PTPRG: variants seen among roughly 807,000 people sequenced by gnomAD.
PTPRG encodes protein tyrosine phosphatase receptor type G, also known as receptor-type tyrosine-protein phosphatase gamma.
Under a neutral mutation model 165.3 loss-of-function variants are expected in PTPRG, and 102 were observed. That is an observed-to-expected ratio of 0.62 (90% confidence interval 0.53 to 0.73). The LOEUF (loss-of-function observed/expected upper bound fraction) is 0.73, where lower values mean the gene tolerates loss of function less well. Among genes scored for constraint, PTPRG ranks in the 30% least tolerant of loss-of-function variants. PTPRG has a pLI of 0.00. For synonymous variants in PTPRG, 675 were observed against 669.5 expected (o/e 1.01, Z -0.13); for missense variants, 1,866 against 1,861.4 (o/e 1.00, Z -0.05).
chr3:61,872,207 C>A (rs1440160336), intron 2 of PTPRG, among the ~76,000 whole-genome samples: 1 of 152,152 alleles, frequency 6.6e-6, no homozygotes, highest in African/African-American at 2.4e-5. Flanking sequence ...GTTTGAAAGA[C>A]AATAAGAATG....
intron 5 of PTPRG, among the ~76,000 whole-genome samples, chr3:62,092,291 T>G (rs1411395094): frequency 6.6e-6 from 1 of 151,112 alleles, no homozygotes; most frequent in Non-Finnish European, 1.5e-5. Flanking sequence ...AATACAAAAT[T>G]TAGCTGGCCG....
chr3:62,080,079 T>C (rs1279082374), intron 5 of PTPRG, among the ~76,000 whole-genome samples: 2 of 150,478 alleles, frequency 1.3e-5, no homozygotes, highest in Non-Finnish European at 3.0e-5. Context: ...TTTTTTTTTT[T>C]TTTGAGATGG....
intron 1 of PTPRG, among the ~76,000 whole-genome samples, chr3:61,718,213 C>CAAAAA (rs376955925): frequency 8.8e-5 from 9 of 102,434 alleles, no homozygotes; most frequent in Non-Finnish European, 1.9e-4. Flanking sequence ...AAACAAAAAC[C>CAAAAA]AAAAAAAAAA....
In PTPRG at chr3:61,996,222, G is replaced by A. The variant is rs577493028; in HGVS notation, c.370+6418G>A. On this transcript the variant is annotated intron_variant, in intron 3 of 29. Coordinates refer to ENST00000474889, the MANE Select transcript of PTPRG (RefSeq NM_002841.4). The stretch of plus-strand genomic sequence containing the variant: ...TCTCTTATCCCTGATAATATTGGAT[G>A]GGGAGGGCCTGGAAAAGTGAAATAC... 2.0e-5 allele frequency among the ~76,000 whole-genome samples: 3 copies of A among 152,276 alleles called. No homozygotes were observed. The South Asian group carries it at 6.2e-4, about 32-fold the overall frequency.
At chr3:62,132,579 A>G in intron 5 of PTPRG, 23 bp from the exon 6 acceptor site, 2 of 1,565,028 alleles carry the variant, frequency 1.3e-6, no homozygotes, top group Non-Finnish European at 1.8e-6. Context: ...AGATTTAACC[A>G]ATCATGTTTC....
intron 1 of PTPRG, among the ~76,000 whole-genome samples, chr3:61,603,603 TAAA>T (rs916388135): frequency 1.3e-5 from 2 of 152,160 alleles, no homozygotes; most frequent in Admixed American, 1.3e-4. Flanking sequence ...ACTGGTGAGT[TAAA>T]AAAGAAGGAA....
intron 6 of PTPRG, among the ~76,000 whole-genome samples, chr3:62,133,616 G>A (rs1270441544): frequency 6.6e-6 from 1 of 152,200 alleles, no homozygotes; most frequent in African/African-American, 2.4e-5. Flanking sequence ...CAGTCATGCA[G>A]CAGGTAACAA....
intron 6 of PTPRG, among the ~76,000 whole-genome samples, chr3:62,140,717 T>C (rs1164279790): frequency 6.6e-6 from 1 of 151,902 alleles, no homozygotes; most frequent in African/African-American, 2.4e-5. Context: ...CATGGTGTTA[T>C]GCGCCTGTAG....
Position 62,297,345 on chromosome 3 carries a change from A to T in PTPRG, c.*4038A>T, listed in dbSNP as rs1703097111. ...TATTTCTTTGAGGCAGTGATTGTGA[A>T]AGTTGGGTTTTCTTTTTAATTCCAT... On this transcript the variant is annotated 3_prime_UTR_variant, in exon 30 of 30. Transcript: ENST00000474889. 1 of 151,938 alleles carries T rather than the reference A, an allele frequency of 6.6e-6. No individual in the cohort carries two copies. Among genetic ancestry groups the T allele is most frequent in the Admixed American group, 6.6e-5 (1 of 15,228 alleles). The allele number at this position is 151,938 out of a possible 1,614,324, so 9.4% of individuals were successfully genotyped here.
At chr3:61,949,199 C>A (rs1394559120) in intron 2 of PTPRG, among the ~76,000 whole-genome samples, 1 of 151,958 alleles carries the variant, frequency 6.6e-6, no homozygotes, top group East Asian at 1.9e-4. Context: ...AATCAACCAA[C>A]CAAACAAAAA....
chr3:61,935,246 T>A (rs188735244), intron 2 of PTPRG, among the ~76,000 whole-genome samples: 17 of 152,336 alleles, frequency 1.1e-4, no homozygotes, highest in Non-Finnish European at 2.1e-4. Flanking sequence ...TGCTCATTTA[T>A]TCTTTAAAAG....
chr3:61,584,626 T>A (rs1242496045), intron 1 of PTPRG, among the ~76,000 whole-genome samples: 1 of 152,148 alleles, frequency 6.6e-6, no homozygotes, highest in Non-Finnish European at 1.5e-5. Flanking sequence ...GCATTAATTT[T>A]TCATTGTACG....
At chr3:61,782,979 A>AT (rs908622593) in intron 2 of PTPRG, among the ~76,000 whole-genome samples, 6 of 151,806 alleles carry the variant, frequency 4.0e-5, no homozygotes, top group Non-Finnish European at 7.4e-5. Flanking sequence ...ATTAAAACAA[A>AT]TTTTTTTTAA....
Position 61,621,051 on chromosome 3 carries a change from A to ATATATATATATGTGTGTGTGTGTGTGTG in PTPRG, c.85+58680_85+58681insATATATATATGTGTGTGTGTGTGTGTGT. Among the ~76,000 whole-genome samples the ATATATATATATGTGTGTGTGTGTGTGTG allele has an allele frequency of 2.1e-3, 246 of 117,898 alleles. 2 individuals are homozygous for ATATATATATATGTGTGTGTGTGTGTGTG. Among genetic ancestry groups the ATATATATATATGTGTGTGTGTGTGTGTG allele is most frequent in the Admixed American group, 9.5e-3 (100 of 10,576 alleles). 77.3% of individuals were successfully genotyped at this position (117,898 alleles called of 152,430 possible). A position where few individuals can be genotyped will look rare whatever the true frequency, so the allele number is the denominator to read the frequency against. ...TGTGTGTGTATATATATATATATAT[A>ATATATATATATGTGTGTGTGTGTGTGTG]TGTGTGTGTGTGTGTGTGTGTGTGT... On this transcript the variant is annotated intron_variant, in intron 1 of 29. Coordinates refer to ENST00000474889, the MANE Select transcript of PTPRG (RefSeq NM_002841.4).
chr3:61,843,101 A>T lies in PTPRG; in HGVS notation c.190+94119A>T, dbSNP rs556257735. ...AAGAAGTTTTTTATCTCTCAGTTTC[A>T]TATTGATTCATTCTGCAAAGAAAAT... is the stretch of plus-strand genomic sequence containing the variant. On this transcript the variant is annotated intron_variant, in intron 2 of 29. Transcript: ENST00000474889. 6.6e-5 allele frequency among the ~76,000 whole-genome samples: 10 copies of T among 152,210 alleles called. 1 individual carries two copies. The highest frequency in any genetic ancestry group is 1.2e-4 in the Non-Finnish European group (8 of 68,030).
intron 2 of PTPRG, among the ~76,000 whole-genome samples, chr3:61,843,276 G>A (rs912759607): frequency 2.0e-5 from 3 of 152,138 alleles, no homozygotes; most frequent in Non-Finnish European, 4.4e-5. Flanking sequence ...GGTTTATACT[G>A]TAAGAAAAAG....
At position 61,648,036 on chromosome 3, in the gene PTPRG, C is replaced by T. The variant is rs141236987; in HGVS notation, c.85+85664C>T. Reference sequence around the variant, plus strand: ...ATTTTTCTGTCTTGCTTTTGATATGCCTGAAGCCCAAGACAGGCTGCAACT... The same window carrying T: ...ATTTTTCTGTCTTGCTTTTGATATGTCTGAAGCCCAAGACAGGCTGCAACT... On this transcript the variant is annotated intron_variant, in intron 1 of 29. Coordinates refer to ENST00000474889, the MANE Select transcript of PTPRG (RefSeq NM_002841.4). Among the ~76,000 whole-genome samples, 699 of 152,122 alleles carry T rather than the reference C, an allele frequency of 4.6e-3. 2 individuals are homozygous for T. The highest frequency in any genetic ancestry group is 6.7e-3 in the Non-Finnish European group (459 of 68,016).
At chr3:61,956,665 T>G (rs1031514705) in intron 2 of PTPRG, among the ~76,000 whole-genome samples, 1 of 152,206 alleles carries the variant, frequency 6.6e-6, no homozygotes, top group Non-Finnish European at 1.5e-5. Context: ...CAAATGGGAC[T>G]ATTACTGATA....
At chr3:62,230,209 A>ATAAT (rs1271358036) in intron 13 of PTPRG, among the ~76,000 whole-genome samples, 2 of 152,222 alleles carry the variant, frequency 1.3e-5, no homozygotes, top group South Asian at 4.1e-4. Flanking sequence ...ATGGAGTCTA[A>ATAAT]TAATTAATAC....
Sources: allele counts gnomAD v4.1 joint callset (sites outside exome capture counted in the v4.1 genomes callset), GRCh38; gene constraint gnomAD v4.1.1; transcripts MANE v1.5; gene names NCBI Gene and HGNC (gene_info 2026-07-23, HGNC 2026-07-21).